Variants in MME observed in about 807,000 individuals in gnomAD.
The protein encoded by MME is neprilysin.
In MME, 98 loss-of-function variants were observed where a neutral mutation model predicts 113.2. The ratio of observed to expected loss-of-function variants is 0.87; its 90% confidence interval spans 0.74 to 1.02. The LOEUF is 1.02. MME is among the 50% of genes least tolerant of loss of function. The pLI, the probability that MME is intolerant of heterozygous loss-of-function variation, is 0.00. For synonymous variants in MME, 292 were observed against 300.6 expected (o/e 0.97, Z 0.30); for missense variants, 836 against 896.0 (o/e 0.93, Z 0.86).
chr3:155,043,497 C>A (rs1188003260), intron 1 of MME, among the ~76,000 whole-genome samples: 1 of 151,556 alleles, frequency 6.6e-6, no homozygotes, highest in Non-Finnish European at 1.5e-5. Context: ...CACGCCCGGC[C>A]AATTATGTAT....
chr3:155,080,871 G>A (rs1715080124), intron 1 of MME: 1 of 152,152 alleles, frequency 6.6e-6, no homozygotes, highest in African/African-American at 2.4e-5. Flanking sequence ...ACTGTATGAA[G>A]GCGTGTAGCT....
intron 9 of MME, among the ~76,000 whole-genome samples, chr3:155,139,516 T>G (rs1337627482): frequency 6.6e-6 from 1 of 152,236 alleles, no homozygotes; most frequent in African/African-American, 2.4e-5. Flanking sequence ...CTTTTGTCTC[T>G]TCTCACTTAA....
chr3:155,110,139 G>A (rs1435789937), intron 3 of MME, among the ~76,000 whole-genome samples: 1 of 152,234 alleles, frequency 6.6e-6, no homozygotes, highest in Non-Finnish European at 1.5e-5. Context: ...CAGGACAAAG[G>A]AAGAGTAAAA....
intron 1 of MME, among the ~76,000 whole-genome samples, chr3:155,049,635 C>G (rs1576670261): frequency 4.0e-5 from 3 of 75,004 alleles, no homozygotes; most frequent in South Asian, 7.9e-4. Flanking sequence ...GTATATCTAT[C>G]TATCTATCTA....
chr3:155,147,793 T>C (rs908139841), intron 15 of MME, among the ~76,000 whole-genome samples: 2 of 152,214 alleles, frequency 1.3e-5, no homozygotes, highest in African/African-American at 4.8e-5. Context: ...AACTACATGA[T>C]ACCCTGATGA....
At chr3:155,078,147 G>T (rs1576686954), upstream of MME, among the ~76,000 whole-genome samples, 1 of 151,978 alleles carries the variant, frequency 6.6e-6, no homozygotes, top group Non-Finnish European at 1.5e-5. Context: ...GCTGAGGCAG[G>T]AGAATCGCTT....
At chr3:155,142,556 A>G (rs1477955441) in intron 12 of MME, among the ~76,000 whole-genome samples, 1 of 152,126 alleles carries the variant, frequency 6.6e-6, no homozygotes, top group Non-Finnish European at 1.5e-5. Context: ...ATTGTCCTGT[A>G]AGGAGTTACA....
chr3:155,165,151 C>T (rs1723001938), intron 17 of MME, among the ~76,000 whole-genome samples: 1 of 151,828 alleles, frequency 6.6e-6, no homozygotes, highest in Non-Finnish European at 1.5e-5. Context: ...TTTTTAATTA[C>T]AGAAAGTAAC....
chr3:155,042,291 T>C (rs1276130418), intron 1 of MME, among the ~76,000 whole-genome samples: 1 of 152,182 alleles, frequency 6.6e-6, no homozygotes, highest in Non-Finnish European at 1.5e-5. Context: ...TTTCTGTGTG[T>C]CTAGCTAATT....
chr3:155,096,273 T>C (rs560382411), intron 3 of MME, among the ~76,000 whole-genome samples: 1 of 152,282 alleles, frequency 6.6e-6, no homozygotes, highest in African/African-American at 2.4e-5. Context: ...ATTGTCAAGA[T>C]TGGCTGCTGT....
intron 1 of MME, among the ~76,000 whole-genome samples, chr3:155,027,529 C>T (rs1712828162): frequency 6.6e-6 from 1 of 152,202 alleles, no homozygotes. Context: ...CCTTCTGGGC[C>T]TTTGCTCATG....
intron 13 of MME, among the ~76,000 whole-genome samples, chr3:155,143,903 T>C (rs574135930): frequency 2.5e-4 from 38 of 152,282 alleles, no homozygotes; most frequent in African/African-American, 8.4e-4. Context: ...TAGTATTTTC[T>C]TAAAAACATA....
intron 1 of MME, among the ~76,000 whole-genome samples, chr3:155,050,123 T>G (rs1713710044): frequency 6.6e-6 from 1 of 152,212 alleles, no homozygotes; most frequent in Non-Finnish European, 1.5e-5. Context: ...CTTAGGATAA[T>G]GGCCTCTAGC....
At chr3:155,176,955 G>A (rs1712596123) in intron 22 of MME, among the ~76,000 whole-genome samples, 1 of 152,200 alleles carries the variant, frequency 6.6e-6, no homozygotes, top group South Asian at 2.1e-4. Context: ...TGGATGGAAA[G>A]AGGATGGGCA....
At chr3:155,058,290 AT>A (rs1330551710) in intron 1 of MME, among the ~76,000 whole-genome samples, 3 of 152,190 alleles carry the variant, frequency 2.0e-5, no homozygotes, top group African/African-American at 7.2e-5. Flanking sequence ...TCAAAAGACA[AT>A]TAAGCACTGC....
intron 8 of MME, among the ~76,000 whole-genome samples, chr3:155,134,887 G>A (rs535768253): frequency 1.3e-5 from 2 of 152,218 alleles, no homozygotes; most frequent in South Asian, 4.1e-4. Flanking sequence ...CTGATGATTA[G>A]CTATGTTTAA....
intron 1 of MME, among the ~76,000 whole-genome samples, chr3:155,037,753 G>A (rs1318881067): frequency 6.6e-6 from 1 of 152,184 alleles, no homozygotes; most frequent in Non-Finnish European, 1.5e-5. Flanking sequence ...CTGCTAGAAG[G>A]TCAAGTTATG....
At chr3:155,173,141 A>G (rs1209670686) in intron 22 of MME, among the ~76,000 whole-genome samples, 1 of 152,136 alleles carries the variant, frequency 6.6e-6, no homozygotes, top group East Asian at 1.9e-4. Context: ...AGAAGAAGTT[A>G]AAGTTCTTCC....
intron 1 of MME, among the ~76,000 whole-genome samples, chr3:155,045,523 CTTTT>C (rs57902267): frequency 7.2e-6 from 1 of 138,548 alleles, no homozygotes; most frequent in Admixed American, 7.3e-5. Flanking sequence ...AATTAATTAT[CTTTT>C]TTTTTTTTTT....
Sources: gnomAD v4.1 joint callset for allele counts (sites outside exome capture counted in the v4.1 genomes callset) on GRCh38, gnomAD v4.1.1 for gene constraint, MANE v1.5 for transcripts, NCBI Gene and HGNC (gene_info 2026-07-23, HGNC 2026-07-21) for gene names.